Variants in PCSK2 observed in about 807,000 individuals in gnomAD.
PCSK2 encodes neuroendocrine convertase 2.
Under a neutral mutation model 69.7 loss-of-function variants are expected in PCSK2, and 14 were observed. The observed-to-expected ratio is 0.20, with a 90% CI of 0.13 to 0.31. The LOEUF (loss-of-function observed/expected upper bound fraction) is 0.31, where lower values mean the gene tolerates loss of function less well. Among genes scored for constraint, PCSK2 ranks in the 10% least tolerant of loss-of-function variants. PCSK2 has a pLI of 1.00. For synonymous variants in PCSK2, 307 were observed against 320.7 expected, an observed-to-expected ratio of 0.96 and a Z score of 0.46; for missense variants, 544 against 842.5, an observed-to-expected ratio of 0.65 and a Z score of 4.39.
At chr20:17,396,618 A>T (rs865824977) in intron 5 of PCSK2, among the ~76,000 whole-genome samples, 1 of 145,420 alleles carries the variant, frequency 6.9e-6, no homozygotes, top group African/African-American at 2.5e-5. Context: ...AAGTCAACTT[A>T]TTTTTTTTTT....
At chr20:17,378,716 G>A (rs138734877) in intron 5 of PCSK2, among the ~76,000 whole-genome samples, 211 of 151,846 alleles carry the variant, frequency 1.4e-3, no homozygotes, top group Non-Finnish European at 2.4e-3. Context: ...TGGATGGAAC[G>A]GATGGATGAA....
chr20:17,279,192 G>C (rs1429639924), intron 2 of PCSK2, among the ~76,000 whole-genome samples: 1 of 152,136 alleles, frequency 6.6e-6, no homozygotes, highest in Non-Finnish European at 1.5e-5. Flanking sequence ...CTTCATGAGA[G>C]GCGACTTTTT....
intron 2 of PCSK2, among the ~76,000 whole-genome samples, chr20:17,279,860 T>C (rs997830245): frequency 4.6e-5 from 7 of 152,110 alleles, no homozygotes; most frequent in African/African-American, 7.2e-5. Flanking sequence ...AAATTGCTGA[T>C]TGTATTCTTG....
intron 2 of PCSK2, among the ~76,000 whole-genome samples, chr20:17,348,065 AAGAAAGAAAGAAAGAAAG>A (rs1990741775): frequency 6.9e-6 from 1 of 145,530 alleles, no homozygotes; most frequent in African/African-American, 2.6e-5. Flanking sequence ...GAAAGAAAGA[AAGAAAGAAAGAAAGAAAG>A]AAAGAAAGAA....
chr20:17,312,458 C>T (rs2123114272), intron 2 of PCSK2, among the ~76,000 whole-genome samples: 1 of 152,144 alleles, frequency 6.6e-6, no homozygotes, highest in Middle Eastern at 3.4e-3. Context: ...TCTATGAAGT[C>T]AGTAGGCCAA....
chr20:17,469,325 G>A (rs2033161894), intron 11 of PCSK2, among the ~76,000 whole-genome samples: 1 of 152,198 alleles, frequency 6.6e-6, no homozygotes, highest in Non-Finnish European at 1.5e-5. Context: ...CCCTATTGTT[G>A]AGGGTGTGCC....
intron 1 of PCSK2, among the ~76,000 whole-genome samples, chr20:17,233,353 C>T (rs1190796591): frequency 2.0e-5 from 3 of 152,114 alleles, no homozygotes; most frequent in South Asian, 2.1e-4. Flanking sequence ...GCAGTAGTAA[C>T]AATAAGCTGG....
chr20:17,302,933 T>C (rs1166935722), intron 2 of PCSK2, among the ~76,000 whole-genome samples: 1 of 152,094 alleles, frequency 6.6e-6, no homozygotes, highest in East Asian at 1.9e-4. Flanking sequence ...CCCTTTTGTA[T>C]TTGATCTATG....
intron 4 of PCSK2, among the ~76,000 whole-genome samples, chr20:17,362,062 G>T (rs2030415344): frequency 6.6e-6 from 1 of 152,196 alleles, no homozygotes; most frequent in Non-Finnish European, 1.5e-5. Context: ...GCACTAAAGT[G>T]CCAACAGATG....
intron 2 of PCSK2, among the ~76,000 whole-genome samples, chr20:17,291,652 T>C (rs959746640): frequency 6.6e-6 from 1 of 152,206 alleles, no homozygotes; most frequent in Admixed American, 6.5e-5. Context: ...CTTATATTTA[T>C]GGTACTTCTG....
At chr20:17,282,724 T>C (rs1465161746) in intron 2 of PCSK2, among the ~76,000 whole-genome samples, 1 of 152,010 alleles carries the variant, frequency 6.6e-6, no homozygotes, top group East Asian at 1.9e-4. Context: ...GTGGAAGTAT[T>C]TCCTTTGAAA....
At chr20:17,399,985 A>G (rs1158390972) in intron 5 of PCSK2, among the ~76,000 whole-genome samples, 1 of 152,340 alleles carries the variant, frequency 6.6e-6, no homozygotes, top group East Asian at 1.9e-4. Context: ...CATTGGAGGC[A>G]TATTTGCTGG....
chr20:17,409,231 A>G (rs371209376), intron 5 of PCSK2, 32 bp from the exon 6 acceptor site: 12 of 1,572,772 alleles, frequency 7.6e-6, no homozygotes, highest in Non-Finnish European at 9.6e-6. Context: ...CTCTGGCTGT[A>G]CGGACCTAAT....
At chr20:17,437,101 C>T (rs2032499260) in intron 8 of PCSK2, among the ~76,000 whole-genome samples, 1 of 150,354 alleles carries the variant, frequency 6.7e-6, no homozygotes, top group African/African-American at 2.5e-5. Context: ...GCGATGCCTA[C>T]CTGGCTCCTG....
chr20:17,433,812 T>TCTCTCTCTCTCTCTCC (rs774361715), intron 7 of PCSK2, among the ~76,000 whole-genome samples: 7 of 104,132 alleles, frequency 6.7e-5, no homozygotes, highest in African/African-American at 2.5e-4. Context: ...TCTCTCTCTC[T>TCTCTCTCTCTCTCTCC]CCCCCCACTT....
In PCSK2 at chr20:17,329,012, A is replaced by G. The variant is rs145538863; in HGVS notation, c.283-29315A>G. ...CTTTGGTTTTCAGAACGTGGTTGCT[A>G]TTTTCTTCTCCAGCTCCATTAGCAG... On this transcript the variant is annotated intron_variant, in intron 2 of 11. Coordinates refer to ENST00000262545, the MANE Select transcript of PCSK2 (RefSeq NM_002594.5). Among the ~76,000 whole-genome samples, 204 of 152,228 alleles carry G rather than the reference A, an allele frequency of 1.3e-3. 2 individuals are homozygous for G. The East Asian group carries it at 0.024, about 18-fold the overall frequency.
At chr20:17,337,242 C>A (rs1445075855) in intron 2 of PCSK2, among the ~76,000 whole-genome samples, 1 of 152,174 alleles carries the variant, frequency 6.6e-6, no homozygotes, top group Non-Finnish European at 1.5e-5. Context: ...CCTCAAAGAA[C>A]AACAAAGGAG....
chr20:17,484,409 G>A lies in PCSK2; in HGVS notation c.*2339G>A, dbSNP rs1322359521. The A allele has an allele frequency of 6.6e-6, 1 of 152,260 alleles. No homozygotes were observed. The highest frequency in any genetic ancestry group is 2.4e-5 in the African/African-American group (1 of 41,354). 9.4% of individuals were successfully genotyped at this position (152,260 alleles called of 1,614,324 possible). ...CTAGTGATGTTTTTATGATATCCCTGATCCTAACTGAAGAGACAGTTATTT... is the reference window on the plus strand; with the variant it reads ...CTAGTGATGTTTTTATGATATCCCTAATCCTAACTGAAGAGACAGTTATTT... On this transcript the variant is annotated 3_prime_UTR_variant, in exon 12 of 12. Transcript: ENST00000262545.
chr20:17,396,337 A>G (rs1252169751), intron 5 of PCSK2, among the ~76,000 whole-genome samples: 1 of 152,164 alleles, frequency 6.6e-6, no homozygotes, highest in Non-Finnish European at 1.5e-5. Flanking sequence ...TCTCCAGGCA[A>G]GTCCATAACT....
Sources: gnomAD v4.1 joint callset for allele counts (sites outside exome capture counted in the v4.1 genomes callset) on GRCh38, gnomAD v4.1.1 for gene constraint, MANE v1.5 for transcripts, NCBI Gene and HGNC (gene_info 2026-07-23, HGNC 2026-07-21) for gene names.